The following CELF1 variants were observed in gnomAD, a reference collection of about 807,000 sequenced individuals.
CELF1 encodes the protein CUGBP Elav-like family member 1, also known as 50 kDa nuclear polyadenylated RNA-binding protein.
In CELF1, 10 loss-of-function variants were observed where a neutral mutation model predicts 61.8. The observed-to-expected ratio is 0.16, with a 90% confidence interval of 0.10 to 0.27. The LOEUF is 0.27. CELF1 is among the 10% of genes least tolerant of loss of function. The pLI, the probability that CELF1 is intolerant of heterozygous loss-of-function variation, is 1.00. For missense variants in CELF1, 380 were observed against 639.1 expected (o/e 0.59, Z 4.37); for synonymous variants, 236 against 225.1 (o/e 1.05, Z -0.43).
intron 1 of CELF1, among the ~76,000 whole-genome samples, chr11:47,524,189 T>C (rs183683278): frequency 6.6e-6 from 1 of 152,144 alleles, no homozygotes; most frequent in Non-Finnish European, 1.5e-5. Flanking sequence ...CTTAAAGGGG[T>C]GGAGGTGCCT....
intron 1 of CELF1, among the ~76,000 whole-genome samples, chr11:47,552,714 G>A (rs1167999448): frequency 1.3e-5 from 2 of 152,232 alleles, no homozygotes; most frequent in Admixed American, 1.3e-4. Context: ...AAGGTAAAGG[G>A]CGCGGGGAGA....
chr11:47,541,323 G>A (rs565632720), intron 1 of CELF1, among the ~76,000 whole-genome samples: 8 of 152,080 alleles, frequency 5.3e-5, no homozygotes, highest in Non-Finnish European at 1.2e-4. Context: ...AAAGGTAAAA[G>A]AACAAGGAGA....
intron 1 of CELF1, among the ~76,000 whole-genome samples, chr11:47,534,997 T>A (rs1057470012): frequency 1.3e-4 from 20 of 151,710 alleles, no homozygotes; most frequent in South Asian, 1.0e-3. Flanking sequence ...AAAAAAAAAA[T>A]TTTTTTCCCT....
intron 1 of CELF1, among the ~76,000 whole-genome samples, chr11:47,537,245 A>ATT (rs544458768): frequency 4.5e-4 from 60 of 134,090 alleles, no homozygotes; most frequent in African/African-American, 1.2e-3. Flanking sequence ...TACCATACAA[A>ATT]TTTTTTTTTT....
intron 1 of CELF1, among the ~76,000 whole-genome samples, chr11:47,546,386 C>T (rs940588879): frequency 6.6e-5 from 10 of 151,892 alleles, no homozygotes; most frequent in African/African-American, 2.4e-4. Context: ...CCTGCCTCAG[C>T]CTCCTAAGTA....
At chr11:47,532,444 C>T (rs529542114) in intron 1 of CELF1, among the ~76,000 whole-genome samples, 1 of 152,350 alleles carries the variant, frequency 6.6e-6, no homozygotes, top group African/African-American at 2.4e-5. Flanking sequence ...AAACAAGTCA[C>T]CTCCACCTGA....
intron 1 of CELF1, among the ~76,000 whole-genome samples, chr11:47,521,270 T>A (rs57851447): frequency 6.6e-6 from 1 of 151,896 alleles, no homozygotes; most frequent in South Asian, 2.1e-4. Context: ...AAAAATAAAA[T>A]AAAAAATAAA....
chr11:47,483,559 T>C (rs1282441395), intron 7 of CELF1, 27 bp from the exon 8 acceptor site: 11 of 1,552,138 alleles, frequency 7.1e-6, no homozygotes, highest in Admixed American at 1.7e-5. Flanking sequence ...CAGTAACTCA[T>C]GCATTCATTT....
intron 1 of CELF1, among the ~76,000 whole-genome samples, chr11:47,529,969 A>G (rs1164070219): frequency 6.6e-6 from 1 of 152,176 alleles, no homozygotes; most frequent in African/African-American, 2.4e-5. Context: ...CTTATGCCTC[A>G]GTTTGTAAAG....
upstream of CELF1, among the ~76,000 whole-genome samples, chr11:47,557,168 G>A (rs974882222): frequency 2.0e-5 from 3 of 151,790 alleles, no homozygotes; most frequent in South Asian, 2.1e-4. Context: ...GCAAAGTGCC[G>A]GGAGCCACCA....
chr11:47,508,056 A>G (rs1441268006), intron 1 of CELF1, among the ~76,000 whole-genome samples: 1 of 152,204 alleles, frequency 6.6e-6, no homozygotes, highest in Non-Finnish European at 1.5e-5. Flanking sequence ...GGACTACCCT[A>G]AGGATTCAGA....
intron 9 of CELF1, among the ~76,000 whole-genome samples, chr11:47,481,042 A>T (rs988535313): frequency 2.0e-4 from 31 of 151,220 alleles, no homozygotes; most frequent in African/African-American, 5.6e-4. Context: ...ATATTTTTTT[A>T]AAAAAACTTC....
chr11:47,510,270 C>G (rs1258717368), intron 1 of CELF1, among the ~76,000 whole-genome samples: 2 of 152,146 alleles, frequency 1.3e-5, no homozygotes, highest in Non-Finnish European at 2.9e-5. Context: ...GTAATAAGCT[C>G]TTTATTCTTA....
chr11:47,564,171 C>CAAAAAAAAAAA (rs779009192), intron 2 of CELF1, among the ~76,000 whole-genome samples: 409 of 62,270 alleles, frequency 6.6e-3, no homozygotes, highest in African/African-American at 0.01. Flanking sequence ...ACTAAAAATA[C>CAAAAAAAAAAA]AAAAAAAAAA....
In CELF1 at chr11:47,560,746, G is replaced by A. The variant is rs192761773; in HGVS notation, c.-11+3605C>T. Among the ~76,000 whole-genome samples the A allele has an allele frequency of 8.5e-5, 13 of 152,296 alleles. No individual in the cohort carries two copies. The East Asian group carries it at 2.5e-3, about 29-fold the overall frequency. On this transcript the variant is annotated intron_variant, in intron 2 of 3. Coordinates refer to the CELF1 transcript ENST00000525841. ...ATATGCATTATACCTCAATAAAGCT[G>A]TTCCCAAAAATAATGTTAACATTGG...
rs1388371992 is a variant in CELF1 at position 47,499,477 on chromosome 11, T to C, written c.47A>G (p.His16Arg). The C allele has an allele frequency of 1.0e-5, 16 of 1,535,908 alleles. No individual in the cohort carries two copies. In the Admixed American group the frequency reaches 2.6e-4, roughly 24 times the overall value. ...CACGGGACTGGAATTCAAAGAGCAA[T>C]GATCCACCATCATTTCTGGAAGGAA... Reference protein sequence around the residue: ...LDFLPEMMVDHCSLNSSPVSK... With the variant: ...LDFLPEMMVDRCSLNSSPVSK... The change falls in exon 3 of 15, where the codon CAT becomes CGT. Residue 16 changes from histidine (H) to arginine (R), a missense_variant. By Grantham distance (29) the His-to-Arg change is conservative (BLOSUM62 0). Coordinates refer to ENST00000687097, the MANE Select transcript of CELF1 (RefSeq NM_001376376.1).
At chr11:47,475,549 AT>A (rs1381195960) in intron 12 of CELF1, 28 bp from the exon 13 acceptor site, 1 of 1,610,334 alleles carries the variant, frequency 6.2e-7, no homozygotes. Context: ...AAGGATTAAT[AT>A]ACTAGAAAGA....
chr11:47,489,841 A>T (rs1341601663), intron 3 of CELF1, among the ~76,000 whole-genome samples: 1 of 151,700 alleles, frequency 6.6e-6, no homozygotes, highest in African/African-American at 2.4e-5. Context: ...AAGGATAATC[A>T]GCTATTTTAA....
At chr11:47,488,176 T>C (rs2088846743) in intron 4 of CELF1, among the ~76,000 whole-genome samples, 1 of 152,176 alleles carries the variant, frequency 6.6e-6, no homozygotes, top group Non-Finnish European at 1.5e-5. Context: ...TGAAAACTGG[T>C]AAAATGGAAA....
Sources: allele counts gnomAD v4.1 joint callset (sites outside exome capture counted in the v4.1 genomes callset), GRCh38; gene constraint gnomAD v4.1.1; transcripts MANE v1.5; gene names NCBI Gene and HGNC (gene_info 2026-07-23, HGNC 2026-07-21).